Variants in MAPK9 observed in about 807,000 individuals in gnomAD.
MAPK9 encodes the protein mitogen-activated protein kinase 9.
A neutral mutation model predicts 57.1 loss-of-function variants in MAPK9; 30 were observed. That is an observed-to-expected ratio of 0.53 (90% CI 0.39 to 0.71). The LOEUF (loss-of-function observed/expected upper bound fraction) is 0.71, where lower values mean the gene tolerates loss of function less well. MAPK9 is among the 30% of genes least tolerant of loss of function. MAPK9 has a pLI of 0.00. For synonymous variants in MAPK9, 155 were observed against 177.0 expected, an observed-to-expected ratio of 0.88 and a Z score of 0.99; for missense variants, 362 against 521.0, an observed-to-expected ratio of 0.69 and a Z score of 2.97.
intron 1 of MAPK9, among the ~76,000 whole-genome samples, chr5:180,283,121 C>G (rs760915137): frequency 6.6e-6 from 1 of 152,158 alleles, no homozygotes. Flanking sequence ...GGATCCATCC[C>G]TCCCTTCCTC....
intron 10 of MAPK9, 88 bp from the exon 11 acceptor site, chr5:180,238,491 C>G: frequency 1.1e-6 from 1 of 924,592 alleles, no homozygotes; most frequent in Non-Finnish European, 1.7e-6. Context: ...TCAACTGGAA[C>G]AAAGGCATTG....
chr5:180,280,051 G>A (rs1272963956), intron 2 of MAPK9: 1 of 456,318 alleles, frequency 2.2e-6, no homozygotes, highest in Non-Finnish European at 4.4e-6. Flanking sequence ...AAATGAACAG[G>A]AGTGATCGGG....
Position 180,261,694 on chromosome 5 carries a change from A to G in MAPK9, c.440T>C (p.Ile147Thr), listed in dbSNP as rs1409507613. ...CGIKHLHSAG[I>T]IHRDLKPSNI... ...TACATCACCACTTACTCTATGAATT[A>G]TACCAGCTGAATGCAGATGTTTAAT... Residue 147 changes from isoleucine to threonine, a missense_variant, in exon 5 of 12, where the codon ATA (isoleucine) becomes ACA (threonine). By Grantham distance (89) the Ile-to-Thr change is moderately conservative. This residue lies in a region of MAPK9 where 127 missense variants were observed against 231.7 expected (regional missense o/e 0.55). Coordinates refer to ENST00000452135, the MANE Select transcript of MAPK9 (RefSeq NM_002752.5). The G allele has an allele frequency of 6.2e-7, 1 of 1,608,416 alleles. No homozygotes were observed. The highest frequency in any genetic ancestry group is 1.1e-5 in the South Asian group (1 of 89,396).
intron 8 of MAPK9, among the ~76,000 whole-genome samples, chr5:180,242,224 G>T (rs1039027296): frequency 7.2e-5 from 11 of 152,244 alleles, no homozygotes; most frequent in Admixed American, 5.9e-4. Flanking sequence ...GGGGAGGAAG[G>T]ACCTTTTTCA....
At chr5:180,245,501 T>C (rs1204512649) in intron 7 of MAPK9, among the ~76,000 whole-genome samples, 1 of 152,088 alleles carries the variant, frequency 6.6e-6, no homozygotes, top group East Asian at 1.9e-4. Context: ...AAACCAGTTG[T>C]GAGAGGAGAC....
intron 7 of MAPK9, among the ~76,000 whole-genome samples, chr5:180,244,064 G>A (rs1165403145): frequency 6.6e-6 from 1 of 152,136 alleles, no homozygotes; most frequent in Non-Finnish European, 1.5e-5. Flanking sequence ...GGCCAGGCTG[G>A]TCTGGAATTC....
At chr5:180,287,159 G>A (rs898122330) in intron 1 of MAPK9, 1 of 152,202 alleles carries the variant, frequency 6.6e-6, no homozygotes, top group African/African-American at 2.4e-5. Flanking sequence ...GGCTGTAAGG[G>A]GGTGGGACAA....
chr5:180,245,356 T>A (rs1455149339), intron 7 of MAPK9, among the ~76,000 whole-genome samples: 1 of 152,170 alleles, frequency 6.6e-6, no homozygotes, highest in African/African-American at 2.4e-5. Context: ...GTTCTCCTGC[T>A]CTGCCCTGCC....
At position 180,241,159 on chromosome 5, in the gene MAPK9, G is replaced by A. The variant is rs769145814; in HGVS notation, c.872-4C>T. ...AACAGATCTCTGGCTTGACTTGCTA[G>A]GGTGACAACAAATATTAAATTAATG... is the stretch of plus-strand genomic sequence containing the variant. On this transcript the variant is annotated splice_region_variant and splice_polypyrimidine_tract_variant and intron_variant, in intron 8 of 11. Coordinates refer to ENST00000452135, the MANE Select transcript of MAPK9 (RefSeq NM_002752.5). 1.9e-6 allele frequency: 3 copies of A among 1,608,996 alleles called. No homozygotes were observed. Among genetic ancestry groups the A allele is most frequent in the East Asian group, 2.2e-5 (1 of 44,810 alleles).
At chr5:180,242,958 C>T (rs1757780328) in intron 7 of MAPK9, 2 of 454,506 alleles carry the variant, frequency 4.4e-6, no homozygotes, top group Non-Finnish European at 7.8e-6. Flanking sequence ...TCTTCATAAA[C>T]TATGATCACA....
intron 2 of MAPK9, among the ~76,000 whole-genome samples, chr5:180,270,874 G>A (rs13169028): frequency 0.36 from 45,052 of 123,810 alleles, 8,785 homozygotes; most frequent in Non-Finnish European, 0.4. Flanking sequence ...AAAAAAAAAA[G>A]AAAAAGAAAA....
chr5:180,249,234 A>C (rs767879599), intron 5 of MAPK9, 96 bp from the exon 6 acceptor site: 4 of 1,165,662 alleles, frequency 3.4e-6, no homozygotes, highest in Non-Finnish European at 4.7e-6. Flanking sequence ...GTGAGAGTGT[A>C]GGGAGTGAAC....
intron 5 of MAPK9, among the ~76,000 whole-genome samples, chr5:180,250,175 C>T (rs1049953441): frequency 6.6e-6 from 1 of 152,294 alleles, no homozygotes; most frequent in Admixed American, 6.5e-5. Context: ...CTCAGAAGCA[C>T]GCCTGGCGCG....
chr5:180,257,803 G>T, intron 5 of MAPK9: 1 of 169,668 alleles, frequency 5.9e-6, no homozygotes. Flanking sequence ...AGAAATATTC[G>T]GCCAGATTCC....
chr5:180,237,143 G>C (rs1757236350), intron 11 of MAPK9: 1 of 152,198 alleles, frequency 6.6e-6, no homozygotes, highest in Non-Finnish European at 1.5e-5. Flanking sequence ...AGTCTGGTTT[G>C]AATAAAAACA....
intron 2 of MAPK9, among the ~76,000 whole-genome samples, chr5:180,272,979 G>A (rs566140679): frequency 1.2e-4 from 19 of 152,018 alleles, no homozygotes; most frequent in African/African-American, 4.6e-4. Context: ...CTGCCTCTGC[G>A]TGGTTCCAGT....
intron 2 of MAPK9, among the ~76,000 whole-genome samples, chr5:180,270,858 C>CAAA (rs761904802): frequency 4.7e-4 from 39 of 82,828 alleles, no homozygotes; most frequent in South Asian, 1.9e-3. Context: ...CCCAGGGTCT[C>CAAA]AAAAAAAAAA....
rs565437521 is a variant in MAPK9, at chr5:180,238,284, G to A, written c.1132+48C>T. 7 of 1,460,124 alleles carry A rather than the reference G, an allele frequency of 4.8e-6. No homozygotes were observed. The Admixed American group carries it at 7.4e-5, about 15-fold the overall frequency. The allele number at this position is 1,460,124 out of a possible 1,614,324, so 90.4% of individuals were successfully genotyped here. A position where few individuals can be genotyped will look rare whatever the true frequency, so the allele number is the denominator to read the frequency against. On this transcript the variant is annotated intron_variant, in intron 11 of 11. Coordinates refer to ENST00000452135, the MANE Select transcript of MAPK9 (RefSeq NM_002752.5). ...AACTCTGTCTCAAAAAAAAAAAGTT[G>A]AATAGGGAAAGAAAAATATCATACA...
chr5:180,256,271 A>G (rs894747556), intron 5 of MAPK9, among the ~76,000 whole-genome samples: 1 of 152,212 alleles, frequency 6.6e-6, no homozygotes, highest in Non-Finnish European at 1.5e-5. Flanking sequence ...GTATTAAACC[A>G]TTTTAATAGG....
Sources: gnomAD v4.1 joint callset for allele counts (sites outside exome capture counted in the v4.1 genomes callset) on GRCh38, gnomAD v4.1.1 for gene constraint, gnomAD v4.1.1 regional missense constraint, MANE v1.5 for transcripts, NCBI Gene and HGNC (gene_info 2026-07-23, HGNC 2026-07-21) for gene names.